Variants in PATJ observed in about 807,000 individuals in gnomAD.
PATJ encodes the protein inaD-like protein.
PATJ carries 190 observed loss-of-function variants against 224.9 expected under a neutral mutation model. The ratio of observed to expected loss-of-function variants is 0.84; its 90% CI spans 0.75 to 0.95. The LOEUF is 0.95. Among genes scored for constraint, PATJ ranks in the 40% least tolerant of loss-of-function variants. PATJ has a pLI of 0.00. For synonymous variants in PATJ, 769 were observed against 820.3 expected, an observed-to-expected ratio of 0.94 and a Z score of 1.07; for missense variants, 2,121 against 2,270.3, an observed-to-expected ratio of 0.93 and a Z score of 1.34.
chr1:62,144,197 A>G (rs1353183384), intron 41 of PATJ, among the ~76,000 whole-genome samples: 2 of 152,114 alleles, frequency 1.3e-5, no homozygotes, highest in African/African-American at 2.4e-5. Context: ...AGAAGATTCT[A>G]TAACTTGGAC....
intron 20 of PATJ, 70 bp downstream of exon 20, chr1:61,864,703 T>C: frequency 7.3e-7 from 1 of 1,365,050 alleles, no homozygotes; most frequent in Non-Finnish European, 9.9e-7. Flanking sequence ...CTCTAACTCA[T>C]GTCACTTCAA....
intron 31 of PATJ, chr1:62,072,450 C>T (rs1259816903): frequency 6.6e-6 from 1 of 151,962 alleles, no homozygotes. Flanking sequence ...GATATCTGGC[C>T]GAGTGTGTTG....
chr1:61,884,451 G>GTTTTTTTTTT (rs72229771), intron 22 of PATJ, 43 bp downstream of exon 22: 1 of 575,732 alleles, frequency 1.7e-6, no homozygotes, highest in Non-Finnish European at 2.4e-6. Flanking sequence ...TAAAATAGTG[G>GTTTTTTTTTT]TTTTTTTTTT....
At position 62,018,266 on chromosome 1, in the gene PATJ, A is replaced by G. The variant is rs1353003821; in HGVS notation, c.3959+319A>G. ...CCTGCTAACTTCTCTTCCTGTCACTACTATTTGGTACATTTGCTGAATCAT... is the reference window on the plus strand; with the variant it reads ...CCTGCTAACTTCTCTTCCTGTCACTGCTATTTGGTACATTTGCTGAATCAT... On this transcript the variant is annotated intron_variant, in intron 29 of 43. Transcript: ENST00000642238. This position sits in a 1 kb window ranked among gnomAD's most constrained non-coding sequence, Gnocchi z 4.2. Among the ~76,000 whole-genome samples the G allele has an allele frequency of 6.6e-6, 1 of 152,176 alleles. No homozygotes were observed. The highest frequency in any genetic ancestry group is 1.5e-5 in the Non-Finnish European group (1 of 68,040).
intron 29 of PATJ, among the ~76,000 whole-genome samples, chr1:62,023,290 CAAA>C (rs10600520): frequency 1.9e-5 from 2 of 105,078 alleles, no homozygotes; most frequent in African/African-American, 3.7e-5. Context: ...AAGTCCATCT[CAAA>C]AAAAAAAAAA....
At chr1:61,860,546 G>T (rs1238862325) in intron 18 of PATJ, among the ~76,000 whole-genome samples, 1 of 152,076 alleles carries the variant, frequency 6.6e-6, no homozygotes, top group Non-Finnish European at 1.5e-5. Flanking sequence ...AGGATTGGCT[G>T]TACGCGGTGG....
chr1:61,973,704 C>T (rs984835486), intron 27 of PATJ, among the ~76,000 whole-genome samples: 5 of 151,952 alleles, frequency 3.3e-5, no homozygotes, highest in African/African-American at 1.2e-4. Context: ...GCTTGCAACT[C>T]ACCACTTTCA....
rs376773840 is a variant in PATJ at position 62,121,136 on chromosome 1, C to G, written c.4891-45C>G. 16 of 1,229,426 alleles carry G rather than the reference C, an allele frequency of 1.3e-5. No individual in the cohort carries two copies. In the African/African-American group the frequency reaches 2.3e-4, roughly 18 times the overall value. The allele number at this position is 1,229,426 out of a possible 1,614,324, so 76.2% of individuals were successfully genotyped here. A position where few individuals can be genotyped will look rare whatever the true frequency, so the allele number is the denominator to read the frequency against. ...ATGGATAAGTATGCATTTAGGGGGT[C>G]AAGTCAGTGTCTGCACACAGGTGAC... On this transcript the variant is annotated intron_variant, in intron 37 of 43. Transcript: ENST00000642238.
chr1:61,794,957 G>A (rs146753826), intron 9 of PATJ, among the ~76,000 whole-genome samples: 1 of 152,126 alleles, frequency 6.6e-6, no homozygotes, highest in East Asian at 1.9e-4. Context: ...ACTCCAGCCT[G>A]GGCGACAAGA....
At chr1:61,998,112 C>T (rs1484062906) in intron 28 of PATJ, among the ~76,000 whole-genome samples, 1 of 144,072 alleles carries the variant, frequency 6.9e-6, no homozygotes, top group African/African-American at 2.6e-5. Context: ...AAGAATCTCA[C>T]TCTGTCACCC....
intron 27 of PATJ, among the ~76,000 whole-genome samples, chr1:61,963,406 C>T (rs1337495796): frequency 1.3e-5 from 2 of 151,766 alleles, no homozygotes; most frequent in Non-Finnish European, 2.9e-5. Context: ...ACCAGCCTGG[C>T]CAGCATGTTG....
chr1:61,770,359 G>A (rs770880741), intron 5 of PATJ, among the ~76,000 whole-genome samples: 1 of 152,112 alleles, frequency 6.6e-6, no homozygotes, highest in Non-Finnish European at 1.5e-5. Flanking sequence ...TCTTTAGGAT[G>A]CACTTTAACA....
At chr1:61,886,007 T>C (rs1668773619) in intron 22 of PATJ, among the ~76,000 whole-genome samples, 2 of 148,276 alleles carry the variant, frequency 1.3e-5, no homozygotes, top group Non-Finnish European at 3.0e-5. Flanking sequence ...AAGAGGAACA[T>C]CACACTCTGG....
intron 33 of PATJ, among the ~76,000 whole-genome samples, chr1:62,096,942 T>C (rs566344014): frequency 1.3e-5 from 2 of 152,310 alleles, no homozygotes; most frequent in African/African-American, 4.8e-5. Flanking sequence ...ATATACTAGA[T>C]ATGCCCCTTC....
In PATJ at chr1:62,106,158, G is replaced by GTATATATATATATATA. The variant is rs61653676; in HGVS notation, c.4378-2265_4378-2250dup. Among the ~76,000 whole-genome samples the GTATATATATATATATA allele has an allele frequency of 2.7e-3, 129 of 48,042 alleles. 5 individuals are homozygous for GTATATATATATATATA. Among genetic ancestry groups the GTATATATATATATATA allele is most frequent in the African/African-American group, 6.3e-3 (89 of 14,176 alleles). 31.5% of individuals were successfully genotyped at this position (48,042 alleles called of 152,430 possible). On this transcript the variant is annotated intron_variant, in intron 33 of 43. Transcript: ENST00000642238. ...TACATGTGTATATGTGTGTGTGTGT[G>GTATATATATATATATA]TATATATATATATATATATATATAT...
chr1:62,139,123 G>A lies in PATJ; in HGVS notation c.5272-9161G>A, dbSNP rs189938386. 1.6e-3 allele frequency among the ~76,000 whole-genome samples: 238 copies of A among 152,064 alleles called. 2 individuals carry two copies. Among genetic ancestry groups the A allele is most frequent in the African/African-American group, 5.4e-3 (222 of 41,484 alleles). ...ACTTTTAAAAAAGAGCAAACTGGCC[G>A]GGCACGGTGGCTCACACCTGTAATC... is the stretch of plus-strand genomic sequence containing the variant. On this transcript the variant is annotated intron_variant, in intron 41 of 43. Coordinates refer to ENST00000642238, the MANE Select transcript of PATJ (RefSeq NM_001350145.3).
chr1:62,034,526 G>T (rs150091634), intron 29 of PATJ, among the ~76,000 whole-genome samples: 5 of 151,718 alleles, frequency 3.3e-5, no homozygotes, highest in African/African-American at 9.7e-5. Context: ...GGGCTCAAAG[G>T]TTCTCCAGAT....
intron 27 of PATJ, among the ~76,000 whole-genome samples, chr1:61,977,909 A>AT (rs200045581): frequency 1.3e-5 from 2 of 151,586 alleles, no homozygotes; most frequent in Admixed American, 1.3e-4. Context: ...ACTTAAAAAA[A>AT]TTTTTTTAAT....
chr1:61,869,160 G>A (rs994442786), intron 20 of PATJ, among the ~76,000 whole-genome samples: 7 of 138,500 alleles, frequency 5.1e-5, no homozygotes, highest in South Asian at 2.5e-4. Flanking sequence ...AGGCTGGAGT[G>A]CAGTGGCGCC....
Sources: allele counts gnomAD v4.1 joint callset (sites outside exome capture counted in the v4.1 genomes callset), GRCh38; gene constraint gnomAD v4.1.1; non-coding constraint Gnocchi (gnomAD v3.1); transcripts MANE v1.5; gene names NCBI Gene and HGNC (gene_info 2026-07-23, HGNC 2026-07-21).